Variants in LGR5 observed in about 807,000 individuals in gnomAD.
LGR5 encodes leucine rich repeat containing G protein-coupled receptor 5.
Under a neutral mutation model 76.7 loss-of-function variants are expected in LGR5, and 54 were observed. That is an observed-to-expected ratio of 0.70 (90% CI 0.57 to 0.88). The LOEUF is 0.88. LGR5 is among the 40% of genes least tolerant of loss of function. The pLI, the probability that LGR5 is intolerant of heterozygous loss-of-function variation, is 0.00. For synonymous variants in LGR5, 406 were observed against 421.9 expected (o/e 0.96, Z 0.46); for missense variants, 1,078 against 1,073.3 (o/e 1.00, Z -0.06).
chr12:71,532,668 A>G (rs1876379303), intron 3 of LGR5, among the ~76,000 whole-genome samples: 2 of 152,186 alleles, frequency 1.3e-5, no homozygotes, highest in South Asian at 4.1e-4. Flanking sequence ...TTTCAACCAG[A>G]TGATATTATT....
At chr12:71,499,881 TC>T (rs1311717208) in intron 1 of LGR5, among the ~76,000 whole-genome samples, 1 of 152,068 alleles carries the variant, frequency 6.6e-6, no homozygotes, top group Non-Finnish European at 1.5e-5. Flanking sequence ...GGGCGACTTT[TC>T]TGGCCGTGGT....
chr12:71,498,639 G>A (rs1874444730), intron 1 of LGR5, among the ~76,000 whole-genome samples: 1 of 152,116 alleles, frequency 6.6e-6, no homozygotes, highest in South Asian at 2.1e-4. Flanking sequence ...CCTCCCAAAG[G>A]CACCATCTCC....
At chr12:71,578,959 C>T in intron 15 of LGR5, 30 bp downstream of exon 15, 1 of 1,567,452 alleles carries the variant, frequency 6.4e-7, no homozygotes, top group Non-Finnish European at 8.7e-7. Context: ...TAATAAGATA[C>T]ATTTGTGGTC....
At chr12:71,574,301 CAAAAAAAAA>C (rs1726461) in intron 13 of LGR5, among the ~76,000 whole-genome samples, 2 of 50,232 alleles carry the variant, frequency 4.0e-5, no homozygotes, top group Non-Finnish European at 6.6e-5. Context: ...GACTCTGTCT[CAAAAAAAAA>C]AAAAAAAAAA....
intron 3 of LGR5, among the ~76,000 whole-genome samples, chr12:71,531,346 T>C (rs1876298348): frequency 6.6e-6 from 1 of 152,228 alleles, no homozygotes; most frequent in African/African-American, 2.4e-5. Context: ...TGGAATATCT[T>C]AAACAAAAAC....
chr12:71,464,476 T>A (rs1436927095), intron 1 of LGR5, among the ~76,000 whole-genome samples: 1 of 152,128 alleles, frequency 6.6e-6, no homozygotes, highest in African/African-American at 2.4e-5. Context: ...ACTTAATAAG[T>A]GTTTTAGGAA....
At chr12:71,458,308 G>A (rs1274763529) in intron 1 of LGR5, among the ~76,000 whole-genome samples, 1 of 152,036 alleles carries the variant, frequency 6.6e-6, no homozygotes. Flanking sequence ...CTTATAAAAT[G>A]AGAAGATCTT....
chr12:71,561,614 T>C (rs1280603), intron 7 of LGR5, among the ~76,000 whole-genome samples, 167 bp from the exon 8 acceptor site: 141,005 of 152,184 alleles, frequency 0.93, 66,345 homozygotes, highest in East Asian at 1. Flanking sequence ...TTTTTTATCC[T>C]CTAGAGAGTA....
In LGR5 at chr12:71,439,930, AC is replaced by A; in HGVS notation, c.-150del. On this transcript the variant is annotated 5_prime_UTR_variant, in exon 1 of 18. Coordinates refer to ENST00000266674, the MANE Select transcript of LGR5 (RefSeq NM_003667.4). Reference sequence around the variant, plus strand: ...CCCGCCGCGCTTCTCCTCGCCGCCCACGCCGTGGGGTCAGGAACGCGGCGTC... The same window carrying A: ...CCCGCCGCGCTTCTCCTCGCCGCCCAGCCGTGGGGTCAGGAACGCGGCGTC... 1.5e-6 allele frequency: 1 copy of A among 659,604 alleles called. No homozygotes were observed. Among genetic ancestry groups the A allele is most frequent in the Non-Finnish European group, 2.4e-6 (1 of 410,624 alleles). 40.9% of individuals were successfully genotyped at this position (659,604 alleles called of 1,614,324 possible).
rs757077353 is a variant in LGR5, at chr12:71,573,095, G to A, written c.1208+174G>A. 147 of 523,730 alleles carry A rather than the reference G, an allele frequency of 2.8e-4. 2 individuals are homozygous for A. The highest frequency in any genetic ancestry group is 1.6e-3 in the Middle Eastern group (4 of 2,494). 32.4% of individuals were successfully genotyped at this position (523,730 alleles called of 1,614,324 possible). A position where few individuals can be genotyped will look rare whatever the true frequency, so the allele number is the denominator to read the frequency against. Reference sequence around the variant, plus strand: ...GTAATTTCCAGGAATAAATCTAAAAGTAGTAAATTTGCAATTATGCTCTCT... The same window carrying A: ...GTAATTTCCAGGAATAAATCTAAAAATAGTAAATTTGCAATTATGCTCTCT... On this transcript the variant is annotated intron_variant, in intron 13 of 17. Coordinates refer to ENST00000266674, the MANE Select transcript of LGR5 (RefSeq NM_003667.4).
At chr12:71,558,763 A>G (rs1443046373) in intron 6 of LGR5, among the ~76,000 whole-genome samples, 1 of 152,220 alleles carries the variant, frequency 6.6e-6, no homozygotes, top group Non-Finnish European at 1.5e-5. Context: ...GAAATCTGCC[A>G]TTCCCAGAGA....
chr12:71,497,133 G>A (rs757805883), intron 1 of LGR5, among the ~76,000 whole-genome samples: 7 of 151,802 alleles, frequency 4.6e-5, no homozygotes, highest in Non-Finnish European at 7.4e-5. Flanking sequence ...GGGCAACATA[G>A]TGAGACCTCA....
At chr12:71,486,703 T>G (rs1394633051) in intron 1 of LGR5, among the ~76,000 whole-genome samples, 4 of 152,210 alleles carry the variant, frequency 2.6e-5, no homozygotes, top group Non-Finnish European at 4.4e-5. Flanking sequence ...GGAGTGCCAC[T>G]GAGGTCAAAT....
At chr12:71,448,464 T>C (rs191366772) in intron 1 of LGR5, 1 of 152,220 alleles carries the variant, frequency 6.6e-6, no homozygotes, top group African/African-American at 2.4e-5. Context: ...GAACTTCCAA[T>C]GTGTTGTGTT....
chr12:71,566,322 C>A (rs535258013), intron 8 of LGR5, 82 bp from the exon 9 acceptor site: 3 of 848,600 alleles, frequency 3.5e-6, no homozygotes, highest in Non-Finnish European at 5.8e-6. Context: ...AGTACATTTA[C>A]TGTATTTGTT....
intron 1 of LGR5, among the ~76,000 whole-genome samples, chr12:71,467,809 GA>G (rs1872926471): frequency 1.3e-5 from 2 of 152,166 alleles, no homozygotes; most frequent in South Asian, 4.1e-4. Context: ...AAGTTCTAGA[GA>G]TGGGTGTATT....
intron 1 of LGR5, among the ~76,000 whole-genome samples, chr12:71,466,394 T>G (rs1872864622): frequency 6.6e-6 from 1 of 152,202 alleles, no homozygotes; most frequent in Non-Finnish European, 1.5e-5. Context: ...TGATAGTTCT[T>G]TAGGATTCCT....
chr12:71,536,187 AT>A (rs1272197693), intron 4 of LGR5, among the ~76,000 whole-genome samples: 6 of 152,222 alleles, frequency 3.9e-5, no homozygotes, highest in African/African-American at 1.2e-4. Flanking sequence ...GCAAATAAAT[AT>A]TGATAAATAT....
chr12:71,559,055 C>T (rs911303728), intron 6 of LGR5, among the ~76,000 whole-genome samples: 4 of 152,150 alleles, frequency 2.6e-5, no homozygotes, highest in Non-Finnish European at 5.9e-5. Flanking sequence ...ACATAAACCT[C>T]TCCAGAAGCA....
Sources: allele counts gnomAD v4.1 joint callset (sites outside exome capture counted in the v4.1 genomes callset), GRCh38; gene constraint gnomAD v4.1.1; transcripts MANE v1.5; gene names NCBI Gene and HGNC (gene_info 2026-07-23, HGNC 2026-07-21).